Variants in CD36 observed in about 807,000 individuals in gnomAD.
The protein encoded by CD36 is platelet glycoprotein 4.
Under a neutral mutation model 55.2 loss-of-function variants are expected in CD36, and 119 were observed. That is an observed-to-expected ratio of 2.15 (90% CI 1.86 to 2.51). CD36 has a LOEUF of 2.51. CD36 is among the 30% of genes most tolerant of loss of function. The probability of loss-of-function intolerance (pLI) is 0.00; values close to 1 mark genes in which losing one functional copy is unlikely to be tolerated. For synonymous variants in CD36, 186 were observed against 193.6 expected (o/e 0.96, Z 0.33); for missense variants, 819 against 555.5 (o/e 1.47, Z -4.77).
Position 80,671,985 on chromosome 7 carries a change from TTGA to T in CD36, c.1073_1075del (p.Asp358del), listed in dbSNP as rs1414417769. The T allele has an allele frequency of 1.9e-6, 3 of 1,609,158 alleles. No homozygotes were observed. Among genetic ancestry groups the T allele is most frequent in the Non-Finnish European group, 2.6e-6 (3 of 1,176,232 alleles). ...GCAAGTCCTGATGTTTCAGAACCTA[TTGA>T]TGGATTAAACCCAAATGAAGAAGAA... On this transcript the variant is annotated inframe_deletion, in exon 11 of 15. Transcript: ENST00000447544.
intron 1 of CD36, among the ~76,000 whole-genome samples, chr7:80,610,330 C>T (rs919000125): frequency 1.3e-5 from 2 of 152,020 alleles, no homozygotes; most frequent in Non-Finnish European, 2.9e-5. Context: ...TTAGTCCCTT[C>T]TAGGAAGTTA....
At chr7:80,604,700 G>A (rs1792446439) in intron 1 of CD36, among the ~76,000 whole-genome samples, 1 of 151,910 alleles carries the variant, frequency 6.6e-6, no homozygotes, top group Admixed American at 6.6e-5. Context: ...ACCATTGTTT[G>A]CCCTTCAGTG....
At chr7:80,639,581 C>T (rs1255949648) in intron 1 of CD36, among the ~76,000 whole-genome samples, 1 of 151,806 alleles carries the variant, frequency 6.6e-6, no homozygotes, top group Non-Finnish European at 1.5e-5. Context: ...GGCATAAATT[C>T]TCTAGAGTAC....
At position 80,677,553 on chromosome 7, in the gene CD36, G is replaced by A. The variant is rs1798200161; in HGVS notation, c.*1170G>A. On this transcript the variant is annotated 3_prime_UTR_variant, in exon 15 of 15. Transcript: ENST00000447544. ...TGGAAAGATCTTTTGCATCTCTGAAGGTGCTTAAAGCATACTTAGTGCCTT... is the reference window on the plus strand; with the variant it reads ...TGGAAAGATCTTTTGCATCTCTGAAAGTGCTTAAAGCATACTTAGTGCCTT... 1 of 152,170 alleles carries A rather than the reference G, an allele frequency of 6.6e-6. No homozygotes were observed. Among genetic ancestry groups the A allele is most frequent in the Admixed American group, 6.5e-5 (1 of 15,268 alleles). 9.4% of individuals were successfully genotyped at this position (152,170 alleles called of 1,614,324 possible).
intron 9 of CD36, 183 bp downstream of exon 9, chr7:80,670,205 C>A: frequency 3.4e-6 from 2 of 592,392 alleles, no homozygotes; most frequent in East Asian, 2.9e-5. Context: ...CCATTTCTAT[C>A]TAAGCAAGAA....
intron 7 of CD36, 23 bp downstream of exon 7, chr7:80,664,520 C>CATGT (rs1796851600): frequency 8.2e-7 from 1 of 1,224,378 alleles, no homozygotes; most frequent in Admixed American, 1.7e-5. Flanking sequence ...GTAAAATGTG[C>CATGT]ATGTATGTTA....
chr7:80,633,686 G>A (rs1165560840), upstream of CD36, among the ~76,000 whole-genome samples: 2 of 151,906 alleles, frequency 1.3e-5, no homozygotes, highest in African/African-American at 4.8e-5. Flanking sequence ...TATAAGTGAC[G>A]AGCTGGCAAC....
At position 80,676,494 on chromosome 7, in the gene CD36, C is replaced by T. The variant is rs1012267802; in HGVS notation, c.*111C>T. 12 of 152,154 alleles carry T rather than the reference C, an allele frequency of 7.9e-5. No individual in the cohort carries two copies. Among genetic ancestry groups the T allele is most frequent in the African/African-American group, 2.9e-4 (12 of 41,438 alleles). The allele number at this position is 152,154 out of a possible 1,614,324, so 9.4% of individuals were successfully genotyped here. Reference sequence around the variant, plus strand: ...CTCAACAAATCCTAGGCCCTGCATTCCTGTCATCCTCATCCGGGGGAAACA... The same window carrying T: ...CTCAACAAATCCTAGGCCCTGCATTTCTGTCATCCTCATCCGGGGGAAACA... On this transcript the variant is annotated 3_prime_UTR_variant, in exon 15 of 15. Coordinates refer to ENST00000447544, the MANE Select transcript of CD36 (RefSeq NM_001001548.3).
intron 14 of CD36, among the ~76,000 whole-genome samples, chr7:80,674,983 G>A (rs1233123734): frequency 6.6e-6 from 1 of 151,990 alleles, no homozygotes; most frequent in African/African-American, 2.4e-5. Flanking sequence ...CTATCTTCTA[G>A]AGATGTTCCA....
chr7:80,605,588 C>T (rs937461012), intron 1 of CD36, among the ~76,000 whole-genome samples: 3 of 152,214 alleles, frequency 2.0e-5, no homozygotes, highest in South Asian at 2.1e-4. Flanking sequence ...CTAAGCTTCT[C>T]GTTTTTGCAT....
chr7:80,629,363 G>A (rs567359660), intron 1 of CD36, among the ~76,000 whole-genome samples: 1 of 152,128 alleles, frequency 6.6e-6, no homozygotes, highest in African/African-American at 2.4e-5. Flanking sequence ...TCCCACTGCT[G>A]TTCAACAAAG....
chr7:80,617,294 T>C (rs2115851715), intron 1 of CD36, among the ~76,000 whole-genome samples: 1 of 152,224 alleles, frequency 6.6e-6, no homozygotes, highest in Non-Finnish European at 1.5e-5. Flanking sequence ...GCTTAATACT[T>C]GGGTGACGAA....
Position 80,674,139 on chromosome 7 carries a change from AT to A in CD36, c.1412del (p.Ile471LysfsTer15), listed in dbSNP as rs1798028908. The A allele has an allele frequency of 6.2e-7, 1 of 1,609,268 alleles. No homozygotes were observed. The highest frequency in any genetic ancestry group is 8.5e-7 in the Non-Finnish European group (1 of 1,176,728). The part of the protein sequence containing the change: ...ISYCACRSKT[I>X]K Reference sequence around the variant, plus strand: ...ATATTGTGCATGCAGATCGAAAACAATAAAATAAGTAAGTATGTACCAAAAA... The same window carrying A: ...ATATTGTGCATGCAGATCGAAAACAAAAAATAAGTAAGTATGTACCAAAAA... On this transcript the variant is annotated frameshift_variant, in exon 14 of 15. Transcript: ENST00000447544. LOFTEE classifies it high-confidence loss of function.
intron 14 of CD36, among the ~76,000 whole-genome samples, chr7:80,675,003 A>G (rs1400047015): frequency 6.6e-6 from 1 of 152,134 alleles, no homozygotes; most frequent in African/African-American, 2.4e-5. Context: ...ATGAAATCAT[A>G]CATTTTAATT....
intron 13 of CD36, 178 bp from the exon 14 acceptor site, chr7:80,673,805 C>G: frequency 1.5e-6 from 1 of 645,488 alleles, no homozygotes; most frequent in Non-Finnish European, 2.8e-6. Context: ...GAGTACCGTA[C>G]TCTATCTGGC....
At chr7:80,617,293 T>C (rs1931697) in intron 1 of CD36, among the ~76,000 whole-genome samples, 142,035 of 152,122 alleles carry the variant, frequency 0.93, 66,708 homozygotes, top group East Asian at 1. Context: ...GGCTTAATAC[T>C]TGGGTGACGA....
intron 1 of CD36, among the ~76,000 whole-genome samples, chr7:80,612,313 T>A (rs1792917274): frequency 6.6e-6 from 1 of 152,210 alleles, no homozygotes; most frequent in South Asian, 2.1e-4. Context: ...AGTCCCTGTA[T>A]AAAAATGATA....
intron 1 of CD36, among the ~76,000 whole-genome samples, chr7:80,606,970 C>A (rs1434936519): frequency 6.6e-6 from 1 of 152,136 alleles, no homozygotes; most frequent in Non-Finnish European, 1.5e-5. Context: ...CCTTGTACTG[C>A]AGCTCTGTTA....
intron 1 of CD36, among the ~76,000 whole-genome samples, chr7:80,609,348 T>C (rs1792746980): frequency 6.6e-6 from 1 of 152,172 alleles, no homozygotes; most frequent in Non-Finnish European, 1.5e-5. Context: ...TGATCCACTA[T>C]ACCCTCTCCC....
Sources: gnomAD v4.1 joint callset for allele counts (sites outside exome capture counted in the v4.1 genomes callset) on GRCh38, gnomAD v4.1.1 for gene constraint, MANE v1.5 for transcripts, NCBI Gene and HGNC (gene_info 2026-07-23, HGNC 2026-07-21) for gene names.